The following DCPS variants were observed in gnomAD, a reference collection of about 807,000 sequenced individuals.
DCPS encodes decapping enzyme, scavenger.
DCPS carries 27 observed loss-of-function variants against 34.7 expected under a neutral mutation model. The observed-to-expected ratio is 0.78, with a 90% CI of 0.57 to 1.07. The LOEUF is 1.07. Among genes scored for constraint, DCPS ranks in the 50% least tolerant of loss-of-function variants. The pLI, the probability that DCPS is intolerant of heterozygous loss-of-function variation, is 0.00. For missense variants in DCPS, 464 were observed against 436.9 expected (o/e 1.06, Z -0.55); for synonymous variants, 185 against 185.7 (o/e 1.00, Z 0.03).
At position 126,335,642 on chromosome 11, in the gene DCPS, A is replaced by G. The variant is rs1286789900; in HGVS notation, c.523-2644A>G. 2.6e-5 allele frequency among the ~76,000 whole-genome samples: 4 copies of G among 152,148 alleles called. No homozygotes were observed. Among genetic ancestry groups the G allele is most frequent in the Non-Finnish European group, 5.9e-5 (4 of 68,044 alleles). On this transcript the variant is annotated intron_variant, in intron 3 of 5. Transcript: ENST00000263579. This position sits in a 1 kb window ranked among gnomAD's most constrained non-coding sequence, Gnocchi z 4.8. ...CATTCTTCTTAACTGTAAAATGGGG[A>G]CAATGTCCAGGCGCGGTGGCTTATG... is the stretch of plus-strand genomic sequence containing the variant.
chr11:126,316,351 C>G (rs1029520623), intron 2 of DCPS, among the ~76,000 whole-genome samples: 3 of 149,202 alleles, frequency 2.0e-5, no homozygotes, highest in Admixed American at 6.7e-5. Context: ...TTCAGCTCAT[C>G]AGTTATTGTT....
intron 2 of DCPS, among the ~76,000 whole-genome samples, chr11:126,310,475 T>G (rs638433): frequency 0.13 from 19,230 of 152,182 alleles, 1,280 homozygotes; most frequent in African/African-American, 0.17. Flanking sequence ...CACAGTCTTG[T>G]TTGGGGTCAG....
intron 2 of DCPS, among the ~76,000 whole-genome samples, chr11:126,311,463 G>A (rs189460649): frequency 7.9e-5 from 12 of 152,332 alleles, no homozygotes; most frequent in Non-Finnish European, 1.5e-4. Flanking sequence ...AGTGGGGAAG[G>A]CAGACAGCAA....
rs934989128 is a variant in DCPS, at chr11:126,317,721, T to C, written c.376+10977T>C. 1.0e-3 allele frequency among the ~76,000 whole-genome samples: 153 copies of C among 152,330 alleles called. 1 individual carries two copies. The highest frequency in any genetic ancestry group is 3.4e-3 in the African/African-American group (140 of 41,576). On this transcript the variant is annotated intron_variant, in intron 2 of 5. Coordinates refer to ENST00000263579, the MANE Select transcript of DCPS (RefSeq NM_014026.6). Reference sequence around the variant, plus strand: ...GAGAGGCCATATTTTGGAGTGTTCATCCTACAGCTTTTATTGTGGTCTGGT... The same window carrying C: ...GAGAGGCCATATTTTGGAGTGTTCACCCTACAGCTTTTATTGTGGTCTGGT...
At position 126,338,037 on chromosome 11, in the gene DCPS, T is replaced by C; in HGVS notation, c.523-249T>C. The C allele has an allele frequency of 1.9e-6, 1 of 517,168 alleles. No individual in the cohort carries two copies. Among genetic ancestry groups the C allele is most frequent in the Non-Finnish European group, 3.5e-6 (1 of 285,578 alleles). 32.0% of individuals were successfully genotyped at this position (517,168 alleles called of 1,614,324 possible). On this transcript the variant is annotated intron_variant, in intron 3 of 5. Coordinates refer to ENST00000263579, the MANE Select transcript of DCPS (RefSeq NM_014026.6). The surrounding 1 kb of genome is among the most constrained non-coding windows in gnomAD (Gnocchi z 5.4). ...AGGAAGAGCCTGGCCCCTTCCAAGCTGCAGAGACCCTTGTGATGACGCATG... is the reference window on the plus strand; with the variant it reads ...AGGAAGAGCCTGGCCCCTTCCAAGCCGCAGAGACCCTTGTGATGACGCATG...
Position 126,328,658 on chromosome 11 carries a change from C to T in DCPS, c.377-2747C>T, listed in dbSNP as rs944890462. On this transcript the variant is annotated intron_variant, in intron 2 of 5. Transcript: ENST00000263579. The surrounding 1 kb of genome is among the most constrained non-coding windows in gnomAD (Gnocchi z 6.6). Reference sequence around the variant, plus strand: ...AGCCAGGAGCCCCAGGCTGGGAGCCCGGCTGGGTGACCCTGCCCGCAGAAC... The same window carrying T: ...AGCCAGGAGCCCCAGGCTGGGAGCCTGGCTGGGTGACCCTGCCCGCAGAAC... 4.6e-5 allele frequency among the ~76,000 whole-genome samples: 7 copies of T among 152,060 alleles called. No individual in the cohort carries two copies. Among genetic ancestry groups the T allele is most frequent in the Non-Finnish European group, 8.8e-5 (6 of 68,000 alleles).
chr11:126,308,391 C>G (rs1204409611), intron 2 of DCPS, among the ~76,000 whole-genome samples: 1 of 152,204 alleles, frequency 6.6e-6, no homozygotes, highest in African/African-American at 2.4e-5. Context: ...ATATTCTTTT[C>G]TGCCCTCCAT....
chr11:126,348,492 G>C lies in DCPS; in HGVS notation c.*2879G>C, dbSNP rs1294781248. Among the ~76,000 whole-genome samples the C allele has an allele frequency of 4.6e-5, 7 of 152,212 alleles. No homozygotes were observed. Among genetic ancestry groups the C allele is most frequent in the African/African-American group, 1.7e-4 (7 of 41,456 alleles). On this transcript the variant is annotated 3_prime_UTR_variant, in exon 6 of 6. Coordinates refer to ENST00000263579, the MANE Select transcript of DCPS (RefSeq NM_014026.6). This position sits in a 1 kb window ranked among gnomAD's most constrained non-coding sequence, Gnocchi z 5.3. ...AATCTCCAGGGACCCTGCCGGCCAC[G>C]GCCCCCATGCAGCTCCCTCCCTCAA...
In DCPS at chr11:126,338,278, CCTT is replaced by C; in HGVS notation, c.523-7_523-5del. The C allele has an allele frequency of 6.2e-7, 1 of 1,613,766 alleles. No homozygotes were observed. The highest frequency in any genetic ancestry group is 8.5e-7 in the Non-Finnish European group (1 of 1,179,654). ...ATTTGTGAACCATCTCTCTCCCCCTCCTTTCAGTGGGTGTATAACATTCTCGAC... is the reference window on the plus strand; with the variant it reads ...ATTTGTGAACCATCTCTCTCCCCCTCTCAGTGGGTGTATAACATTCTCGAC... On this transcript the variant is annotated splice_region_variant and splice_polypyrimidine_tract_variant and intron_variant, in intron 3 of 5. Coordinates refer to ENST00000263579, the MANE Select transcript of DCPS (RefSeq NM_014026.6). This position sits in a 1 kb window ranked among gnomAD's most constrained non-coding sequence, Gnocchi z 5.4.
intron 2 of DCPS, 139 bp downstream of exon 2, chr11:126,306,883 G>A (rs889695637): frequency 9.4e-7 from 1 of 1,068,018 alleles, no homozygotes; most frequent in Non-Finnish European, 1.3e-6. Context: ...GGGGACATTT[G>A]GCCATCGGTG....
chr11:126,309,183 G>A (rs1186399123), intron 2 of DCPS, among the ~76,000 whole-genome samples: 5 of 151,982 alleles, frequency 3.3e-5, no homozygotes, highest in African/African-American at 4.8e-5. Context: ...ACACCACCAC[G>A]CCCAGCTAAT....
chr11:126,340,280 G>C lies in DCPS; in HGVS notation c.636+1881G>C, dbSNP rs2135335072. Among the ~76,000 whole-genome samples, 2 of 152,272 alleles carry C rather than the reference G, an allele frequency of 1.3e-5. 1 individual carries two copies. The highest frequency in any genetic ancestry group is 1.3e-4 in the Admixed American group (2 of 15,300). Reference sequence around the variant, plus strand: ...AGGGCCAGCTTAAACGTCACACTTTGCTTCATAGCGATGCAGGTGTGGTCC... The same window carrying C: ...AGGGCCAGCTTAAACGTCACACTTTCCTTCATAGCGATGCAGGTGTGGTCC... On this transcript the variant is annotated intron_variant, in intron 4 of 5. Coordinates refer to ENST00000263579, the MANE Select transcript of DCPS (RefSeq NM_014026.6).
chr11:126,335,912 C>T lies in DCPS; in HGVS notation c.523-2374C>T, dbSNP rs1337829615. On this transcript the variant is annotated intron_variant, in intron 3 of 5. Transcript: ENST00000263579. This position sits in a 1 kb window ranked among gnomAD's most constrained non-coding sequence, Gnocchi z 4.8. ...TGCATTCCAGCCAAGTGTGAAACTC[C>T]GTCTCAGAAAAAACAAAAAACAAAA... Among the ~76,000 whole-genome samples, 1 of 150,720 alleles carries T rather than the reference C, an allele frequency of 6.6e-6. No homozygotes were observed. Among genetic ancestry groups the T allele is most frequent in the Non-Finnish European group, 1.5e-5 (1 of 67,756 alleles).
intron 2 of DCPS, among the ~76,000 whole-genome samples, chr11:126,330,641 C>T (rs10893497): frequency 0.19 from 27,469 of 142,170 alleles, 3,719 homozygotes; most frequent in East Asian, 0.68. Flanking sequence ...GGAACCACTG[C>T]GCTCTGCTGC....
rs138487265 is a variant in DCPS, at chr11:126,313,549, T to G, written c.376+6805T>G. ...TATCAATGAAGGATAAATCTCACCA[T>G]GTAGGGCAAGAAAAGCATGACACAG... On this transcript the variant is annotated intron_variant, in intron 2 of 5. Transcript: ENST00000263579. The surrounding 1 kb of genome is among the most constrained non-coding windows in gnomAD (Gnocchi z 4.9). Among the ~76,000 whole-genome samples the G allele has an allele frequency of 1.3e-5, 2 of 152,150 alleles. No individual in the cohort carries two copies. Among genetic ancestry groups the G allele is most frequent in the Non-Finnish European group, 2.9e-5 (2 of 68,022 alleles).
At chr11:126,316,932 A>G (rs1299955424) in intron 2 of DCPS, among the ~76,000 whole-genome samples, 1 of 143,476 alleles carries the variant, frequency 7.0e-6, no homozygotes, top group Non-Finnish European at 1.5e-5. Flanking sequence ...CTGGGATTAC[A>G]GGTGTGACCC....
chr11:126,347,368 G>A lies in DCPS; in HGVS notation c.*1755G>A, dbSNP rs1489569794. Among the ~76,000 whole-genome samples, 1 of 151,912 alleles carries A rather than the reference G, an allele frequency of 6.6e-6. No homozygotes were observed. Among genetic ancestry groups the A allele is most frequent in the Admixed American group, 6.6e-5 (1 of 15,260 alleles). On this transcript the variant is annotated 3_prime_UTR_variant, in exon 6 of 6. Transcript: ENST00000263579. This position sits in a 1 kb window ranked among gnomAD's most constrained non-coding sequence, Gnocchi z 4.2. ...CCTCCTGAGTAGCTGGGACTACAGG[G>A]GTGCGCCCCCATGCCCAGCTAATTT...
At position 126,338,053 on chromosome 11, in the gene DCPS, A is replaced by G. The variant is rs1176442377; in HGVS notation, c.523-233A>G. On this transcript the variant is annotated intron_variant, in intron 3 of 5. Transcript: ENST00000263579. This position sits in a 1 kb window ranked among gnomAD's most constrained non-coding sequence, Gnocchi z 5.4. ...CTTCCAAGCTGCAGAGACCCTTGTG[A>G]TGACGCATGGCTGAGTGCCAGCTGG... The G allele has an allele frequency of 1.8e-6, 1 of 543,994 alleles. No individual in the cohort carries two copies. The highest frequency in any genetic ancestry group is 3.3e-6 in the Non-Finnish European group (1 of 301,742). 33.7% of individuals were successfully genotyped at this position (543,994 alleles called of 1,614,324 possible).
Position 126,319,205 on chromosome 11 carries a change from A to T in DCPS, c.377-12200A>T, listed in dbSNP as rs1951685128. ...CTATCATCATTCTCGCCGCTAGAAC[A>T]TCCTGTAGATGAAGAGCTGCTGCCC... On this transcript the variant is annotated intron_variant, in intron 2 of 5. Transcript: ENST00000263579. This position sits in a 1 kb window ranked among gnomAD's most constrained non-coding sequence, Gnocchi z 4.5. Among the ~76,000 whole-genome samples, 1 of 151,916 alleles carries T rather than the reference A, an allele frequency of 6.6e-6. No homozygotes were observed. Among genetic ancestry groups the T allele is most frequent in the Non-Finnish European group, 1.5e-5 (1 of 67,998 alleles).
Sources: gnomAD v4.1 joint callset for allele counts (sites outside exome capture counted in the v4.1 genomes callset) on GRCh38, gnomAD v4.1.1 for gene constraint, Gnocchi (gnomAD v3.1) non-coding constraint, MANE v1.5 for transcripts, NCBI Gene and HGNC (gene_info 2026-07-23, HGNC 2026-07-21) for gene names.